The following SHC1 variants were observed in gnomAD, a reference collection of about 807,000 sequenced individuals.
The protein encoded by SHC1 is SHC-transforming protein 1.
A neutral mutation model predicts 55.9 loss-of-function variants in SHC1; 30 were observed. That is an observed-to-expected ratio of 0.54 (90% CI 0.40 to 0.73). The LOEUF (loss-of-function observed/expected upper bound fraction) is 0.73. Among genes scored for constraint, SHC1 ranks in the 30% least tolerant of loss-of-function variants. SHC1 has a pLI of 0.00. For missense variants in SHC1, 675 were observed against 777.1 expected (o/e 0.87, Z 1.56); for synonymous variants, 309 against 306.1 (o/e 1.01, Z -0.10).
intron 2 of SHC1, 128 bp downstream of exon 2, chr1:154,969,250 C>T (rs996088845): frequency 7.2e-6 from 5 of 689,944 alleles, no homozygotes; most frequent in Non-Finnish European, 1.0e-5. Flanking sequence ...CCTCAGCTTT[C>T]TCTCAATCCC....
intron 2 of SHC1, 51 bp from the exon 3 acceptor site, chr1:154,968,885 T>A: frequency 6.5e-7 from 1 of 1,537,050 alleles, no homozygotes. Flanking sequence ...TGCCTCCCAC[T>A]CAACTGGGGC....
intron 10 of SHC1, 78 bp from the exon 11 acceptor site, chr1:154,965,859 TCAGGAAG>T (rs1449083186): frequency 4.0e-5 from 63 of 1,573,246 alleles, no homozygotes; most frequent in Middle Eastern, 1.7e-4. Context: ...GGAAGGGAAG[TCAGGAAG>T]GAAAGAGCAG....
Position 154,966,489 on chromosome 1 carries a change from C to G in SHC1, c.1012G>C (p.Asp338His). 6.2e-7 allele frequency: 1 copy of G among 1,606,010 alleles called. No individual in the cohort carries two copies. Among genetic ancestry groups the G allele is most frequent in the Non-Finnish European group, 8.5e-7 (1 of 1,175,436 alleles). ...TCAGGTGGCTCTTCCTCCTCCTCAT[C>G]CCATGCTGAGCCATCAAAGCCAGCC... Reference protein sequence around the residue: ...RMAGFDGSAWDEEEEEPPDHQ... With the variant: ...RMAGFDGSAWHEEEEEPPDHQ... Residue 338 changes from aspartate to histidine, a missense_variant, in exon 8 of 12, where the codon GAT becomes CAT. Coordinates refer to ENST00000448116, the MANE Select transcript of SHC1 (RefSeq NM_001130040.2).
chr1:154,968,862 G>GCGCC (rs1656366357), intron 2 of SHC1, 28 bp from the exon 3 acceptor site: 1 of 1,605,090 alleles, frequency 6.2e-7, no homozygotes, highest in African/African-American at 1.3e-5. Context: ...CTCAGACCCA[G>GCGCC]CGCCTGCCTG....
Position 154,963,502 on chromosome 1 carries a change from C to G in SHC1, c.*301G>C, listed in dbSNP as rs1364008729. 1 of 299,828 alleles carries G rather than the reference C, an allele frequency of 3.3e-6. No homozygotes were observed. Among genetic ancestry groups the G allele is most frequent in the African/African-American group, 2.1e-5 (1 of 47,348 alleles). The allele number at this position is 299,828 out of a possible 1,614,324, so 18.6% of individuals were successfully genotyped here. ...TGGGCCTGTCACCACAGGACATTTT[C>G]CATGACAAGCACTCACCTTCTTGGG... On this transcript the variant is annotated 3_prime_UTR_variant, in exon 12 of 12. Transcript: ENST00000448116.
intron 1 of SHC1, 121 bp from the exon 2 acceptor site, chr1:154,969,569 C>T: frequency 1.5e-6 from 1 of 679,790 alleles, no homozygotes; most frequent in Non-Finnish European, 2.6e-6. Context: ...AAGTTCTGCC[C>T]ACTTCCCGTG....
rs745484301 is a variant in SHC1 at position 154,968,802 on chromosome 1, G to C, written c.599C>G (p.Pro200Arg). The change falls in exon 3 of 12, where the codon CCG becomes CGG. Residue 200 changes from proline (P) to arginine (R), a missense_variant. Physicochemically the swap from Pro to Arg is moderately radical, Grantham distance 103. Around this residue, in one of 3 missense-constraint regions of SHC1, gnomAD observed 159 missense variants for 246.9 expected, o/e 0.64. Transcript: ENST00000448116. ...EAISLVCEAV[P>R]GAKGATRRRK... ...CCTCCTTGTCGCCCCCTTAGCACCC[G>C]GCACAGCCTCACACACCAGACTGAT... The C allele has an allele frequency of 6.2e-7, 1 of 1,613,770 alleles. No homozygotes were observed. Among genetic ancestry groups the C allele is most frequent in the Non-Finnish European group, 8.5e-7 (1 of 1,179,920 alleles).
rs570711466 is a variant in SHC1, at chr1:154,966,167, C to T, written c.1247G>A (p.Cys416Tyr). Reference sequence around the variant, plus strand: ...TATCTCGGCTCCCTTCATACCTGGACAGGGTGGTGGAGGTGGCATCTGTTT... The same window carrying T: ...TATCTCGGCTCCCTTCATACCTGGATAGGGTGGTGGAGGTGGCATCTGTTT... ...VRKQMPPPPPCPAGRELFDDP... is the reference protein window; with the variant it reads ...VRKQMPPPPPYPAGRELFDDP... The change falls in exon 9 of 12, where the codon TGT becomes TAT. Residue 416 changes from cysteine (C) to tyrosine (Y), a missense_variant. Physicochemically the swap from Cys to Tyr is radical, Grantham distance 194. Around this residue, in one of 3 missense-constraint regions of SHC1, gnomAD observed 360 missense variants for 371.1 expected, o/e 0.97. Coordinates refer to ENST00000448116, the MANE Select transcript of SHC1 (RefSeq NM_001130040.2). 84 of 1,614,168 alleles carry T rather than the reference C, an allele frequency of 5.2e-5. No homozygotes were observed. In the South Asian group the frequency reaches 9.2e-4, roughly 18 times the overall value.
chr1:154,964,395 G>T, intron 11 of SHC1: 1 of 400,210 alleles, frequency 2.5e-6, no homozygotes, highest in Non-Finnish European at 5.0e-6. Context: ...ACAAAAATTA[G>T]CCAGGTGTGC....
rs1655430245 is a variant in SHC1 at position 154,962,372 on chromosome 1, A to G, written c.*1431T>C. The G allele has an allele frequency of 6.5e-6, 1 of 152,792 alleles. No individual in the cohort carries two copies. Among genetic ancestry groups the G allele is most frequent in the Non-Finnish European group, 1.5e-5 (1 of 68,064 alleles). The allele number at this position is 152,792 out of a possible 1,614,324, so 9.5% of individuals were successfully genotyped here. ...GACCCGTGGAAACATCCAAACAGCA[A>G]AAGGAGGCCAGGATGAAAACGGTCA... On this transcript the variant is annotated 3_prime_UTR_variant, in exon 12 of 12. Transcript: ENST00000448116.
intron 5 of SHC1, 42 bp downstream of exon 5, chr1:154,968,162 C>G (rs748359392): frequency 1.2e-6 from 2 of 1,605,002 alleles, no homozygotes. Flanking sequence ...TCCCTAGCCC[C>G]TTGCTCTTCT....
chr1:154,973,419 G>A (rs1258502402), upstream of SHC1: 1 of 151,088 alleles, frequency 6.6e-6, no homozygotes, highest in African/African-American at 2.4e-5. Flanking sequence ...GCTGAGGCAG[G>A]AGAATCACTT....
chr1:154,965,822 A>G (rs1310087304), intron 10 of SHC1, 41 bp from the exon 11 acceptor site: 1 of 1,586,968 alleles, frequency 6.3e-7, no homozygotes, highest in Non-Finnish European at 8.6e-7. Context: ...TAGCAGGCAC[A>G]ACACACACCC....
In SHC1 at chr1:154,970,016, G is replaced by A. The variant is rs774672490; in HGVS notation, c.495+16C>T. 25 of 1,613,338 alleles carry A rather than the reference G, an allele frequency of 1.5e-5. No individual in the cohort carries two copies. The African/African-American group carries it at 3.2e-4, about 21-fold the overall frequency. The stretch of plus-strand genomic sequence containing the variant: ...AGGGGGTCTGCGGGGGAATGGAGAG[G>A]AGGATGTTCACTCACCCGAACCAAG... On this transcript the variant is annotated intron_variant, in intron 1 of 11. Transcript: ENST00000448116. The surrounding 1 kb of genome is among the most constrained non-coding windows in gnomAD (Gnocchi z 5.5).
Position 154,965,606 on chromosome 1 carries a change from A to G in SHC1, c.1563T>C (p.Tyr521=), listed in dbSNP as rs1266837886. The part of the protein sequence containing the change: ...VRESTTTPGQ[Y]VLTGLQSGQP... ...GCCCACTCTGCAAGCCAGTGAGCAC[A>G]TACTGGCCAGGTGTGGTCGTGCTCT... The change falls in exon 11 of 12, where the codon TAT becomes TAC. Residue 521 remains tyrosine, a synonymous_variant. Coordinates refer to ENST00000448116, the MANE Select transcript of SHC1 (RefSeq NM_001130040.2). The G allele has an allele frequency of 6.2e-6, 10 of 1,614,012 alleles. No homozygotes were observed. In the African/African-American group the frequency reaches 9.3e-5, roughly 15 times the overall value.
chr1:154,970,233 G>A lies in SHC1; in HGVS notation c.294C>T (p.Ala98=). The part of the protein sequence containing the change: ...ADDGEGIVGA[A]MPDSGPLPLL... ...GGGGTAGGGGGCCTGAGTCTGGCATGGCTGCCCCTACGATCCCCTCCCCAT... is the reference window on the plus strand; with the variant it reads ...GGGGTAGGGGGCCTGAGTCTGGCATAGCTGCCCCTACGATCCCCTCCCCAT... Residue 98 remains alanine (A), a synonymous_variant, in exon 1 of 12, where the codon GCC becomes GCT. Transcript: ENST00000448116. The surrounding 1 kb of genome is among the most constrained non-coding windows in gnomAD (Gnocchi z 5.5). 1.2e-6 allele frequency: 2 copies of A among 1,613,242 alleles called. No homozygotes were observed. The highest frequency in any genetic ancestry group is 1.7e-6 in the Non-Finnish European group (2 of 1,179,550).
At chr1:154,974,097 CGGG>C (rs917682017), upstream of SHC1, among the ~76,000 whole-genome samples, 1 of 151,314 alleles carries the variant, frequency 6.6e-6, no homozygotes, top group Admixed American at 6.6e-5. Context: ...AGTCGGGGTT[CGGG>C]GGAGCCCCCT....
At chr1:154,967,261 C>T (rs1006262635) in intron 7 of SHC1, among the ~76,000 whole-genome samples, 13 of 152,164 alleles carry the variant, frequency 8.5e-5, no homozygotes, top group Admixed American at 2.6e-4. Context: ...CACTGCTTAT[C>T]CCTCAAGGCC....
rs899980880 is a variant in SHC1 at position 154,963,195 on chromosome 1, AG to A, written c.*607del. The stretch of plus-strand genomic sequence containing the variant: ...CAATCTCTAAGGGTTGCATATCCCC[AG>A]GGAGAGGGGACAGCTGCCACTCCTG... On this transcript the variant is annotated 3_prime_UTR_variant, in exon 12 of 12. Transcript: ENST00000448116. 8 of 153,492 alleles carry A rather than the reference AG, an allele frequency of 5.2e-5. No homozygotes were observed. The highest frequency in any genetic ancestry group is 4.8e-5 in the African/African-American group (2 of 41,436). The allele number at this position is 153,492 out of a possible 1,614,324, so 9.5% of individuals were successfully genotyped here. A position where few individuals can be genotyped will look rare whatever the true frequency, so the allele number is the denominator to read the frequency against.
Sources: gnomAD v4.1 joint callset for allele counts (sites outside exome capture counted in the v4.1 genomes callset) on GRCh38, gnomAD v4.1.1 for gene constraint, gnomAD v4.1.1 regional missense constraint, Gnocchi (gnomAD v3.1) non-coding constraint, MANE v1.5 for transcripts, NCBI Gene and HGNC (gene_info 2026-07-23, HGNC 2026-07-21) for gene names.